The following ANO2 variants were observed in gnomAD, a reference collection of about 807,000 sequenced individuals.
The protein encoded by ANO2 is anoctamin-2.
In ANO2, 101 loss-of-function variants were observed where a neutral mutation model predicts 124.2. That is an observed-to-expected ratio of 0.81 (90% confidence interval 0.69 to 0.96). The LOEUF (loss-of-function observed/expected upper bound fraction) is 0.96. Ranked by LOEUF, ANO2 falls within the 40% of genes least tolerant of loss-of-function variation. The probability of loss-of-function intolerance (pLI) is 0.00; values close to 1 mark genes in which losing one functional copy is unlikely to be tolerated. For missense variants in ANO2, 1,293 were observed against 1,274.5 expected (o/e 1.01, Z -0.22); for synonymous variants, 486 against 482.5 (o/e 1.01, Z -0.09).
In ANO2 at chr12:5,769,115, C is replaced by T. The variant is rs1951992591; in HGVS notation, c.1056-18145G>A. 1.3e-5 allele frequency among the ~76,000 whole-genome samples: 2 copies of T among 152,144 alleles called. No individual in the cohort carries two copies. The highest frequency in any genetic ancestry group is 1.3e-4 in the Admixed American group (2 of 15,280). ...TCCAGAAAGGCAGAGGAAGAAAACA[C>T]ACCATTTGCAAGGAGAGGACCCTAG... On this transcript the variant is annotated intron_variant, in intron 10 of 24. Coordinates refer to ENST00000682330, the MANE Select transcript of ANO2 (RefSeq NM_001364791.2). The surrounding 1 kb of genome is among the most constrained non-coding windows in gnomAD (Gnocchi z 4.0).
intron 3 of ANO2, among the ~76,000 whole-genome samples, chr12:5,914,131 C>T (rs905975591): frequency 4.0e-5 from 6 of 151,532 alleles, no homozygotes; most frequent in South Asian, 4.2e-4. Context: ...ACCCGGGAGG[C>T]GGAGGTTGCA....
In ANO2 at chr12:5,572,481, GC is replaced by G. The variant is rs143630618; in HGVS notation, c.2621+3352del. Among the ~76,000 whole-genome samples the G allele has an allele frequency of 4.2e-3, 637 of 152,276 alleles. 4 individuals are homozygous for G. Among genetic ancestry groups the G allele is most frequent in the African/African-American group, 0.014 (599 of 41,554 alleles). ...CACTTAAGTCTGTGTTAGGTGCAGGGCCTCCCTCCTTAGGGATCCCTTAGCT... is the reference window on the plus strand; with the variant it reads ...CACTTAAGTCTGTGTTAGGTGCAGGGCTCCCTCCTTAGGGATCCCTTAGCT... On this transcript the variant is annotated intron_variant, in intron 23 of 24. Coordinates refer to ENST00000682330, the MANE Select transcript of ANO2 (RefSeq NM_001364791.2).
intron 10 of ANO2, among the ~76,000 whole-genome samples, chr12:5,796,535 ACACT>A (rs1347928468): frequency 6.6e-6 from 1 of 151,986 alleles, no homozygotes; most frequent in Admixed American, 6.5e-5. Flanking sequence ...ACACTCACAC[ACACT>A]AACACACACA....
At chr12:5,933,137 G>A (rs1042191945) in intron 1 of ANO2, among the ~76,000 whole-genome samples, 1 of 152,180 alleles carries the variant, frequency 6.6e-6, no homozygotes, top group Non-Finnish European at 1.5e-5. Flanking sequence ...GGTGTATAGT[G>A]CACACTTCTT....
chr12:5,940,705 A>T (rs573599122), intron 1 of ANO2, among the ~76,000 whole-genome samples: 1 of 152,370 alleles, frequency 6.6e-6, no homozygotes, highest in South Asian at 2.1e-4. Context: ...TTTGGAAAAT[A>T]GTCTGACAAT....
rs1401608134 is a variant in ANO2 at position 5,567,257 on chromosome 12, G to A, written c.2622-1594C>T. 2.0e-5 allele frequency among the ~76,000 whole-genome samples: 3 copies of A among 152,170 alleles called. No individual in the cohort carries two copies. The East Asian group carries it at 5.8e-4, about 29-fold the overall frequency. On this transcript the variant is annotated intron_variant, in intron 23 of 24. Coordinates refer to ENST00000682330, the MANE Select transcript of ANO2 (RefSeq NM_001364791.2). Reference sequence around the variant, plus strand: ...TAACTGCAGCCCAGCAGAGCACCACGGGATTCATCATAACCGTCCTCAGCT... The same window carrying A: ...TAACTGCAGCCCAGCAGAGCACCACAGGATTCATCATAACCGTCCTCAGCT...
intron 10 of ANO2, among the ~76,000 whole-genome samples, chr12:5,782,275 C>T (rs143151782): frequency 3.3e-5 from 5 of 152,050 alleles, no homozygotes; most frequent in Admixed American, 2.0e-4. Flanking sequence ...TTTTAATTAG[C>T]GTTTATATGG....
At chr12:5,691,396 CA>C (rs1948939484) in intron 14 of ANO2, among the ~76,000 whole-genome samples, 1 of 150,800 alleles carries the variant, frequency 6.6e-6, no homozygotes, top group Non-Finnish European at 1.5e-5. Context: ...TGAAAAAGAC[CA>C]TTGCAGGTCC....
chr12:5,930,626 C>T (rs1167452042), intron 1 of ANO2, among the ~76,000 whole-genome samples: 1 of 152,122 alleles, frequency 6.6e-6, no homozygotes, highest in Non-Finnish European at 1.5e-5. Flanking sequence ...TCCTCAAGTG[C>T]CCTGGGCACT....
intron 14 of ANO2, among the ~76,000 whole-genome samples, chr12:5,706,450 CTCTG>C (rs1044794390): frequency 2.6e-5 from 4 of 151,844 alleles, no homozygotes; most frequent in African/African-American, 7.3e-5. Flanking sequence ...CTTGCTATCT[CTCTG>C]TCTGTGCACT....
intron 3 of ANO2, among the ~76,000 whole-genome samples, chr12:5,903,032 G>C (rs1411686898): frequency 6.6e-6 from 1 of 151,438 alleles, no homozygotes; most frequent in East Asian, 2.0e-4. Flanking sequence ...TATGACATGG[G>C]GGTCTTAGCT....
At chr12:5,714,764 T>G (rs573324128) in intron 14 of ANO2, among the ~76,000 whole-genome samples, 1 of 152,332 alleles carries the variant, frequency 6.6e-6, no homozygotes, top group East Asian at 1.9e-4. Context: ...GTGCCCAGTT[T>G]GGATTCACAA....
At position 5,769,401 on chromosome 12, in the gene ANO2, C is replaced by G. The variant is rs773392333; in HGVS notation, c.1056-18431G>C. ...CCAAGAAAGAGAGCCAGGGGCCAGA[C>G]GAGCAAACACTGAGTTCAGGATGAA... On this transcript the variant is annotated intron_variant, in intron 10 of 24. Coordinates refer to ENST00000682330, the MANE Select transcript of ANO2 (RefSeq NM_001364791.2). The surrounding 1 kb of genome is among the most constrained non-coding windows in gnomAD (Gnocchi z 4.0). Among the ~76,000 whole-genome samples the G allele has an allele frequency of 1.3e-4, 20 of 152,034 alleles. No individual in the cohort carries two copies. Among genetic ancestry groups the G allele is most frequent in the Non-Finnish European group, 1.8e-4 (12 of 68,024 alleles).
rs187539052 is a variant in ANO2, at chr12:5,888,404, G to A, written c.534+32636C>T. Reference sequence around the variant, plus strand: ...CCACAGTGTGGAAGGGGACGCCAGCGGATTGCCACCGCTGGCTCCAGCAGC... The same window carrying A: ...CCACAGTGTGGAAGGGGACGCCAGCAGATTGCCACCGCTGGCTCCAGCAGC... On this transcript the variant is annotated intron_variant, in intron 3 of 24. Transcript: ENST00000682330. Among the ~76,000 whole-genome samples the A allele has an allele frequency of 2.1e-3, 325 of 152,256 alleles. 1 individual carries two copies. Among genetic ancestry groups the A allele is most frequent in the African/African-American group, 6.5e-3 (269 of 41,540 alleles).
intron 3 of ANO2, among the ~76,000 whole-genome samples, chr12:5,906,360 A>G (rs1459892728): frequency 3.3e-5 from 5 of 150,556 alleles, no homozygotes; most frequent in Non-Finnish European, 5.9e-5. Context: ...AAAAAAAAAA[A>G]AAAGAAAAAG....
chr12:5,648,313 G>A (rs1338580849), intron 14 of ANO2, among the ~76,000 whole-genome samples: 1 of 152,150 alleles, frequency 6.6e-6, no homozygotes, highest in African/African-American at 2.4e-5. Context: ...ACTGATCTCA[G>A]AGCCTAATCG....
intron 10 of ANO2, 53 bp from the exon 11 acceptor site, chr12:5,751,023 T>C (rs1025666711): frequency 2.0e-6 from 3 of 1,499,770 alleles, no homozygotes; most frequent in African/African-American, 2.8e-5. Flanking sequence ...TCATATACTT[T>C]CCTTATTTCT....
chr12:5,822,725 T>C (rs543850762), intron 7 of ANO2, among the ~76,000 whole-genome samples: 214 of 152,328 alleles, frequency 1.4e-3, no homozygotes, highest in African/African-American at 4.7e-3. Flanking sequence ...ACTCAGGGTA[T>C]GGGTTTTCCT....
chr12:5,845,566 CAAAA>C (rs11354500), intron 4 of ANO2, among the ~76,000 whole-genome samples: 2 of 101,410 alleles, frequency 2.0e-5, no homozygotes, highest in Non-Finnish European at 2.1e-5. Context: ...GACTACATCT[CAAAA>C]AAAAAAAAAA....
Sources: gnomAD v4.1 joint callset for allele counts (sites outside exome capture counted in the v4.1 genomes callset) on GRCh38, gnomAD v4.1.1 for gene constraint, Gnocchi (gnomAD v3.1) non-coding constraint, MANE v1.5 for transcripts, NCBI Gene and HGNC (gene_info 2026-07-23, HGNC 2026-07-21) for gene names.